The following DOCK7 variants were observed in gnomAD, a reference collection of about 807,000 sequenced individuals.
DOCK7 encodes dedicator of cytokinesis 7, also known as dedicator of cytokinesis protein 7.
In DOCK7, 138 loss-of-function variants were observed where a neutral mutation model predicts 271.0. The observed-to-expected ratio is 0.51, with a 90% confidence interval of 0.44 to 0.59. DOCK7 has a LOEUF of 0.59. Ranked by LOEUF, DOCK7 falls within the 20% of genes least tolerant of loss-of-function variation. The probability of loss-of-function intolerance (pLI) is 0.00; values close to 1 mark genes in which losing one functional copy is unlikely to be tolerated. For synonymous variants in DOCK7, 823 were observed against 876.1 expected (o/e 0.94, Z 1.07); for missense variants, 2,066 against 2,592.4 (o/e 0.80, Z 4.41).
At chr1:62,631,732 C>A (rs895192366) in intron 10 of DOCK7, among the ~76,000 whole-genome samples, 4 of 145,322 alleles carry the variant, frequency 2.8e-5, no homozygotes, top group African/African-American at 1.1e-4. Context: ...TAGTCAGCAA[C>A]TGGTAACTAC....
intron 19 of DOCK7, among the ~76,000 whole-genome samples, chr1:62,560,253 T>A (rs1646279376): frequency 1.3e-5 from 2 of 152,222 alleles, no homozygotes. Flanking sequence ...CCACCCTTTC[T>A]GTGTATAGGT....
intron 48 of DOCK7, among the ~76,000 whole-genome samples, chr1:62,468,416 A>G (rs1220573846): frequency 2.6e-5 from 4 of 151,932 alleles, no homozygotes; most frequent in African/African-American, 9.7e-5. Context: ...ACATACCTCA[A>G]TGTAATAAAA....
chr1:62,524,931 C>A (rs1053730665), intron 31 of DOCK7, among the ~76,000 whole-genome samples: 5 of 103,614 alleles, frequency 4.8e-5, no homozygotes, highest in African/African-American at 1.8e-4. Context: ...ACCAACCAAA[C>A]TATATATATA....
At chr1:62,603,597 T>C (rs537040389) in intron 14 of DOCK7, among the ~76,000 whole-genome samples, 1 of 151,780 alleles carries the variant, frequency 6.6e-6, no homozygotes, top group African/African-American at 2.4e-5. Context: ...CTTGACTGTA[T>C]ATGGATGTTA....
intron 18 of DOCK7, among the ~76,000 whole-genome samples, chr1:62,575,088 T>C (rs1646904990): frequency 6.6e-6 from 1 of 152,150 alleles, no homozygotes; most frequent in South Asian, 2.1e-4. Flanking sequence ...TGGAGGGCAC[T>C]GGCTAGTCAA....
At chr1:62,536,135 C>A (rs1645339418) in intron 28 of DOCK7, among the ~76,000 whole-genome samples, 1 of 151,756 alleles carries the variant, frequency 6.6e-6, no homozygotes, top group Non-Finnish European at 1.5e-5. Context: ...CATCTTAATA[C>A]TTCAAAATAT....
At chr1:62,652,687 C>T (rs1473116796) in intron 4 of DOCK7, among the ~76,000 whole-genome samples, 1 of 152,132 alleles carries the variant, frequency 6.6e-6, no homozygotes, top group Admixed American at 6.6e-5. Flanking sequence ...TTACAACTAA[C>T]CTTTTTATTA....
chr1:62,517,148 C>G (rs1424843860), intron 31 of DOCK7, among the ~76,000 whole-genome samples: 1 of 152,174 alleles, frequency 6.6e-6, no homozygotes. Flanking sequence ...CCTTAACCAA[C>G]TTGTCTAATT....
chr1:62,468,035 G>T (rs1422548325), intron 48 of DOCK7, among the ~76,000 whole-genome samples: 1 of 152,060 alleles, frequency 6.6e-6, no homozygotes, highest in African/African-American at 2.4e-5. Context: ...TGCAGAAAAA[G>T]CAAATGACAA....
At chr1:62,505,485 A>G (rs1489474344) in intron 36 of DOCK7, among the ~76,000 whole-genome samples, 197 bp downstream of exon 36, 1 of 152,246 alleles carries the variant, frequency 6.6e-6, no homozygotes, top group Non-Finnish European at 1.5e-5. Flanking sequence ...ATTCGAATAA[A>G]TGAAAAATTC....
In DOCK7 at chr1:62,555,936, G is replaced by A; in HGVS notation, c.2485C>T (p.His829Tyr). Reference sequence around the variant, plus strand: ...TCATGATTTCCTTCCAAGTTTTTGTGAAGTCGATTTATAATTGATGCCATG... The same window carrying A: ...TCATGATTTCCTTCCAAGTTTTTGTAAAGTCGATTTATAATTGATGCCATG... Reference protein sequence around the residue: ...EAMASIINRLHKNLEGNHDQH... With the variant: ...EAMASIINRLYKNLEGNHDQH... The change falls in exon 21 of 50, where the codon CAC becomes TAC. Residue 829 changes from histidine (H) to tyrosine (Y), a missense_variant. His to Tyr is a moderately conservative substitution (Grantham distance 83). This residue lies in a region of DOCK7 where 1,414 missense variants were observed against 1,670.4 expected (regional missense o/e 0.85). Transcript: ENST00000635253. 1 of 1,613,822 alleles carries A rather than the reference G, an allele frequency of 6.2e-7. No individual in the cohort carries two copies. Among genetic ancestry groups the A allele is most frequent in the Non-Finnish European group, 8.5e-7 (1 of 1,179,902 alleles).
intron 22 of DOCK7, among the ~76,000 whole-genome samples, chr1:62,546,030 A>G (rs1645696101): frequency 6.6e-6 from 1 of 152,184 alleles, no homozygotes; most frequent in African/African-American, 2.4e-5. Context: ...TAGCAAAGAC[A>G]ATCGAAGACA....
intron 48 of DOCK7, among the ~76,000 whole-genome samples, chr1:62,460,094 G>C (rs532521079): frequency 1.3e-5 from 1 of 76,138 alleles, no homozygotes; most frequent in Non-Finnish European, 2.3e-5. Flanking sequence ...AGCAAGACTC[G>C]TCTCAAAAAA....
At chr1:62,486,956 A>T (rs1646312302) in intron 43 of DOCK7, 2 of 152,632 alleles carry the variant, frequency 1.3e-5, no homozygotes, top group African/African-American at 4.8e-5. Context: ...GGCATATAAA[A>T]TACTAGTATG....
chr1:62,513,668 TTA>T (rs1377846038), intron 32 of DOCK7, 46 bp downstream of exon 32: 2 of 1,605,082 alleles, frequency 1.2e-6, no homozygotes, highest in South Asian at 2.2e-5. Context: ...TTTTTCCACA[TTA>T]TGTTTCTCCT....
intron 48 of DOCK7, among the ~76,000 whole-genome samples, chr1:62,462,381 G>A (rs528246365): frequency 2.0e-4 from 30 of 152,204 alleles, no homozygotes; most frequent in Non-Finnish European, 4.0e-4. Context: ...CTGCCACACG[G>A]CAAAGCTTAT....
At position 62,576,235 on chromosome 1, in the gene DOCK7, A is replaced by G. The variant is rs539295490; in HGVS notation, c.2112+1027T>C. On this transcript the variant is annotated intron_variant, in intron 18 of 49. Transcript: ENST00000635253. Reference sequence around the variant, plus strand: ...ATTTTAAATACAAAGTCAATGATAAATGACATGAGGAAAAATAAAGAGATA... The same window carrying G: ...ATTTTAAATACAAAGTCAATGATAAGTGACATGAGGAAAAATAAAGAGATA... Among the ~76,000 whole-genome samples, 4 of 152,368 alleles carry G rather than the reference A, an allele frequency of 2.6e-5. No homozygotes were observed. The East Asian group carries it at 7.7e-4, about 29-fold the overall frequency.
intron 31 of DOCK7, among the ~76,000 whole-genome samples, chr1:62,518,464 C>G (rs1017511819): frequency 6.6e-6 from 1 of 151,948 alleles, no homozygotes; most frequent in East Asian, 1.9e-4. Flanking sequence ...GTCCCAGCTA[C>G]TCAGGAGGCA....
chr1:62,650,238 C>T (rs940856695), intron 4 of DOCK7, among the ~76,000 whole-genome samples: 1 of 152,150 alleles, frequency 6.6e-6, no homozygotes, highest in African/African-American at 2.4e-5. Flanking sequence ...TTGACAATCT[C>T]ATCTCCCACT....
Sources: gnomAD v4.1 joint callset for allele counts (sites outside exome capture counted in the v4.1 genomes callset) on GRCh38, gnomAD v4.1.1 for gene constraint, gnomAD v4.1.1 regional missense constraint, MANE v1.5 for transcripts, NCBI Gene and HGNC (gene_info 2026-07-23, HGNC 2026-07-21) for gene names.